Variants in MTPN observed in about 807,000 individuals in gnomAD.
MTPN encodes granule cell differentiation protein.
MTPN carries 2 observed loss-of-function variants against 13.5 expected under a neutral mutation model. That is an observed-to-expected ratio of 0.15 (90% CI 0.06 to 0.47). The LOEUF (loss-of-function observed/expected upper bound fraction) is 0.47. Ranked by LOEUF, MTPN falls within the 20% of genes least tolerant of loss-of-function variation. The pLI is 0.97. For synonymous variants in MTPN, 46 were observed against 51.7 expected (o/e 0.89, Z 0.48); for missense variants, 79 against 137.9 (o/e 0.57, Z 2.14).
Position 135,927,093 on chromosome 7 carries a change from T to A in MTPN, c.*2833A>T. Reference sequence around the variant, plus strand: ...AGCTTCTTCTATACACAATTGAGTATACAATATTGCATGGAAGAAAACAGC... The same window carrying A: ...AGCTTCTTCTATACACAATTGAGTAAACAATATTGCATGGAAGAAAACAGC... On this transcript the variant is annotated 3_prime_UTR_variant, in exon 4 of 4. Coordinates refer to ENST00000393085, the MANE Select transcript of MTPN (RefSeq NM_145808.4). The A allele has an allele frequency of 2.3e-6, 1 of 444,078 alleles. No individual in the cohort carries two copies. The highest frequency in any genetic ancestry group is 3.9e-6 in the Non-Finnish European group (1 of 255,166). The allele number at this position is 444,078 out of a possible 1,614,324, so 27.5% of individuals were successfully genotyped here.
At chr7:135,939,577 G>T (rs1188382922) in intron 3 of MTPN, among the ~76,000 whole-genome samples, 1,721 of 14,592 alleles carry the variant, frequency 0.12, 169 homozygotes, top group African/African-American at 0.19. Flanking sequence ...AAATGGGGGC[G>T]GGGGGGGGGG....
rs1798988015 is a variant in MTPN, at chr7:135,929,819, A to C, written c.*107T>G. 3 of 1,118,330 alleles carry C rather than the reference A, an allele frequency of 2.7e-6. No individual in the cohort carries two copies. Among genetic ancestry groups the C allele is most frequent in the Non-Finnish European group, 4.1e-6 (3 of 738,798 alleles). The allele number at this position is 1,118,330 out of a possible 1,614,324, so 69.3% of individuals were successfully genotyped here. A position where few individuals can be genotyped will look rare whatever the true frequency, so the allele number is the denominator to read the frequency against. The stretch of plus-strand genomic sequence containing the variant: ...ATTTCTCTCTCCCCTCACCCCTCTT[A>C]AAGTATTTAGCTGAAGAAGCTGGCA... On this transcript the variant is annotated 3_prime_UTR_variant, in exon 4 of 4. Transcript: ENST00000393085.
In MTPN at chr7:135,950,591, G is replaced by C. The variant is rs756708910; in HGVS notation, c.270+8C>G. 7.5e-6 allele frequency: 12 copies of C among 1,599,184 alleles called. No individual in the cohort carries two copies. The highest frequency in any genetic ancestry group is 1.7e-4 in the Middle Eastern group (1 of 6,030). On this transcript the variant is annotated splice_region_variant and intron_variant, in intron 3 of 3. Coordinates refer to ENST00000393085, the MANE Select transcript of MTPN (RefSeq NM_145808.4). ...AGAAAAAGCAATACTATTAGCAATTGACCTCACCTTTGACAGAAGCAATTT... is the reference window on the plus strand; with the variant it reads ...AGAAAAAGCAATACTATTAGCAATTCACCTCACCTTTGACAGAAGCAATTT...
rs759525969 is a variant in MTPN, at chr7:135,927,307, T to G, written c.*2619A>C. On this transcript the variant is annotated 3_prime_UTR_variant, in exon 4 of 4. Coordinates refer to ENST00000393085, the MANE Select transcript of MTPN (RefSeq NM_145808.4). The stretch of plus-strand genomic sequence containing the variant: ...GTGAGCTATGCGTAGAAGAACTACT[T>G]GGGATATTCAAGTGCTGTATTTGAA... 33 of 1,550,378 alleles carry G rather than the reference T, an allele frequency of 2.1e-5. No individual in the cohort carries two copies. The East Asian group carries it at 3.2e-4, about 15-fold the overall frequency.
chr7:135,959,525 AG>A (rs2116390810), intron 1 of MTPN, among the ~76,000 whole-genome samples: 1 of 152,312 alleles, frequency 6.6e-6, no homozygotes, highest in African/African-American at 2.4e-5. Flanking sequence ...CTGACTCTGA[AG>A]AACATAAACG....
At chr7:135,944,586 C>T (rs1434110144) in intron 3 of MTPN, among the ~76,000 whole-genome samples, 1 of 151,890 alleles carries the variant, frequency 6.6e-6, no homozygotes. Flanking sequence ...AGTGCCTGAA[C>T]CTGTGAGCCG....
Position 135,927,675 on chromosome 7 carries a change from C to A in MTPN, c.*2251G>T. ...GTTAAAAAAAGAAACTGTGAACCAT[C>A]TTGGTCAGTCTATTCTATTCTATGT... On this transcript the variant is annotated 3_prime_UTR_variant, in exon 4 of 4. Coordinates refer to ENST00000393085, the MANE Select transcript of MTPN (RefSeq NM_145808.4). 1.7e-6 allele frequency: 1 copy of A among 580,894 alleles called. No homozygotes were observed. The allele number at this position is 580,894 out of a possible 1,614,324, so 36.0% of individuals were successfully genotyped here.
chr7:135,949,391 T>C (rs1400697115), intron 3 of MTPN, among the ~76,000 whole-genome samples: 3 of 152,210 alleles, frequency 2.0e-5, no homozygotes, highest in African/African-American at 4.8e-5. Context: ...GAGCACACCC[T>C]ATCACAGATG....
intron 1 of MTPN, among the ~76,000 whole-genome samples, chr7:135,953,177 T>C (rs570521668): frequency 6.8e-4 from 104 of 152,256 alleles, no homozygotes; most frequent in African/African-American, 2.2e-3. Flanking sequence ...TTAAATACTA[T>C]AGGTCCTACA....
At chr7:135,956,630 C>A (rs929198174) in intron 1 of MTPN, among the ~76,000 whole-genome samples, 1 of 152,190 alleles carries the variant, frequency 6.6e-6, no homozygotes, top group Non-Finnish European at 1.5e-5. Context: ...CTTCTTGGAA[C>A]TGACTCATCC....
At chr7:135,976,725 T>C (rs1449682550) in intron 1 of MTPN, among the ~76,000 whole-genome samples, 1 of 151,858 alleles carries the variant, frequency 6.6e-6, no homozygotes, top group Non-Finnish European at 1.5e-5. Context: ...AAATGATCAG[T>C]GCGCAGAAGA....
Position 135,927,389 on chromosome 7 carries a change from C to T in MTPN, c.*2537G>A, listed in dbSNP as rs547558759. 4 of 1,549,626 alleles carry T rather than the reference C, an allele frequency of 2.6e-6. No homozygotes were observed. Among genetic ancestry groups the T allele is most frequent in the South Asian group, 2.4e-5 (2 of 83,944 alleles). On this transcript the variant is annotated 3_prime_UTR_variant, in exon 4 of 4. Transcript: ENST00000393085. ...CAAGGGAGACTTTGTTAGTACACTACTATAAACAGGTAAACTACCTGTTTG... is the reference window on the plus strand; with the variant it reads ...CAAGGGAGACTTTGTTAGTACACTATTATAAACAGGTAAACTACCTGTTTG...
intron 1 of MTPN, among the ~76,000 whole-genome samples, chr7:135,966,216 T>C (rs1196181134): frequency 6.6e-6 from 1 of 152,110 alleles, no homozygotes; most frequent in Non-Finnish European, 1.5e-5. Flanking sequence ...CTACTTATGA[T>C]TGGGTTACAC....
intron 3 of MTPN, among the ~76,000 whole-genome samples, chr7:135,948,026 T>A (rs1799310917): frequency 6.6e-6 from 1 of 152,180 alleles, no homozygotes; most frequent in Non-Finnish European, 1.5e-5. Flanking sequence ...ATCTGGAAAG[T>A]TCTTAAACCA....
At position 135,927,140 on chromosome 7, in the gene MTPN, A is replaced by C; in HGVS notation, c.*2786T>G. On this transcript the variant is annotated 3_prime_UTR_variant, in exon 4 of 4. Coordinates refer to ENST00000393085, the MANE Select transcript of MTPN (RefSeq NM_145808.4). The stretch of plus-strand genomic sequence containing the variant: ...CAGCAGCTCAACTGAAATATTAGAA[A>C]AAAAAATCAAACAGATACATACAGA... The C allele has an allele frequency of 1.6e-6, 1 of 610,958 alleles. No individual in the cohort carries two copies. Among genetic ancestry groups the C allele is most frequent in the Non-Finnish European group, 2.6e-6 (1 of 390,106 alleles). 37.8% of individuals were successfully genotyped at this position (610,958 alleles called of 1,614,324 possible). A position where few individuals can be genotyped will look rare whatever the true frequency, so the allele number is the denominator to read the frequency against.
At chr7:135,964,009 G>T (rs886341592) in intron 1 of MTPN, among the ~76,000 whole-genome samples, 1 of 146,926 alleles carries the variant, frequency 6.8e-6, no homozygotes, top group Non-Finnish European at 1.5e-5. Context: ...TTTATATAAA[G>T]AAAGACTATC....
At chr7:135,934,016 G>T (rs1436704766) in intron 3 of MTPN, among the ~76,000 whole-genome samples, 1 of 152,056 alleles carries the variant, frequency 6.6e-6, no homozygotes, top group Non-Finnish European at 1.5e-5. Flanking sequence ...TGCCAGGATT[G>T]TTAAGTTTCC....
chr7:135,969,371 A>C (rs1214670316), intron 1 of MTPN, among the ~76,000 whole-genome samples: 2 of 151,870 alleles, frequency 1.3e-5, no homozygotes, highest in East Asian at 3.8e-4. Context: ...AGAGCTTCTC[A>C]GTCTTACCAA....
At chr7:135,957,634 G>T (rs963009187) in intron 1 of MTPN, among the ~76,000 whole-genome samples, 2 of 152,242 alleles carry the variant, frequency 1.3e-5, no homozygotes, top group South Asian at 4.1e-4. Flanking sequence ...TTTGATGTGT[G>T]TCCAGGAAAA....
Sources: gnomAD v4.1 joint callset for allele counts (sites outside exome capture counted in the v4.1 genomes callset) on GRCh38, gnomAD v4.1.1 for gene constraint, MANE v1.5 for transcripts, NCBI Gene and HGNC (gene_info 2026-07-23, HGNC 2026-07-21) for gene names.